Variants in CR2 observed in about 807,000 individuals in gnomAD.
CR2 encodes complement receptor type 2.
In CR2, 96 loss-of-function variants were observed where a neutral mutation model predicts 123.0. The ratio of observed to expected loss-of-function variants is 0.78; its 90% CI spans 0.66 to 0.93. CR2 has a LOEUF of 0.93. CR2 is among the 40% of genes least tolerant of loss of function. CR2 has a pLI of 0.00. For synonymous variants in CR2, 484 were observed against 469.5 expected (o/e 1.03, Z -0.40); for missense variants, 1,258 against 1,361.0 (o/e 0.92, Z 1.19).
At chr1:207,467,870 A>G (rs1658148087) in intron 2 of CR2, among the ~76,000 whole-genome samples, 1 of 152,246 alleles carries the variant, frequency 6.6e-6, no homozygotes, top group African/African-American at 2.4e-5. Flanking sequence ...ACACACACAC[A>G]TAATATAGGT....
intron 15 of CR2, among the ~76,000 whole-genome samples, chr1:207,477,309 T>TCATAAAC (rs1353475497): frequency 6.6e-6 from 1 of 152,130 alleles, no homozygotes; most frequent in South Asian, 2.1e-4. Flanking sequence ...CCATCAGATC[T>TCATAAAC]CATGAGACTT....
chr1:207,462,802 A>G (rs1657999007), intron 1 of CR2, among the ~76,000 whole-genome samples: 1 of 152,158 alleles, frequency 6.6e-6, no homozygotes, highest in South Asian at 2.1e-4. Context: ...TCACTGTGAG[A>G]TTTTTAAGGC....
In CR2 at chr1:207,475,014, C is replaced by T. The variant is rs760774981; in HGVS notation, c.2514C>T (p.Cys838=). ...CTTGGAGCGGGCCTTCCCCACAGTG[C>T]TTACGATCTCCTCCTGTGACTCGCT... ...HGSWSGPSPQ[C]LRSPPVTRCP... is the part of the protein sequence containing the mutation. The change falls in exon 14 of 20, where the codon TGC becomes TGT. Residue 838 remains cysteine, a synonymous_variant. Coordinates refer to ENST00000367057, the MANE Select transcript of CR2 (RefSeq NM_001006658.3). 1.9e-6 allele frequency: 3 copies of T among 1,614,126 alleles called. No homozygotes were observed. The highest frequency in any genetic ancestry group is 2.5e-6 in the Non-Finnish European group (3 of 1,179,994).
intron 1 of CR2, among the ~76,000 whole-genome samples, chr1:207,465,570 G>A (rs767880423): frequency 3.3e-5 from 5 of 152,212 alleles, no homozygotes; most frequent in African/African-American, 1.2e-4. Flanking sequence ...AACAGTTCTC[G>A]AAAGTTACCC....
At chr1:207,478,181 C>A in intron 16 of CR2, 111 bp downstream of exon 16, 1 of 1,168,410 alleles carries the variant, frequency 8.6e-7, no homozygotes, top group Non-Finnish European at 1.2e-6. Context: ...AGGTTTGTGA[C>A]CAGTTGTATA....
In CR2 at chr1:207,454,745, G is replaced by A. The variant is rs902335762; in HGVS notation, c.58+269G>A. On this transcript the variant is annotated intron_variant, in intron 1 of 19. Transcript: ENST00000367057. The surrounding 1 kb of genome is among the most constrained non-coding windows in gnomAD (Gnocchi z 4.3). ...CGGCCCGGTGTGGCTGGCGGCGTGC[G>A]GGTGCTCGCGGTCTCCTGCCGGGCT... 4 of 397,842 alleles carry A rather than the reference G, an allele frequency of 1.0e-5. No homozygotes were observed. Among genetic ancestry groups the A allele is most frequent in the Non-Finnish European group, 1.8e-5 (4 of 222,604 alleles). The allele number at this position is 397,842 out of a possible 1,614,324, so 24.6% of individuals were successfully genotyped here. A position where few individuals can be genotyped will look rare whatever the true frequency, so the allele number is the denominator to read the frequency against.
intron 15 of CR2, 132 bp from the exon 16 acceptor site, chr1:207,477,753 A>C: frequency 1.3e-6 from 1 of 743,788 alleles, no homozygotes; most frequent in Middle Eastern, 3.2e-4. Flanking sequence ...GTCTTATCCT[A>C]TTTCAGTGCA....
chr1:207,472,740 C>T (rs1472308844), intron 9 of CR2, 32 bp from the exon 10 acceptor site: 4 of 1,608,294 alleles, frequency 2.5e-6, no homozygotes, highest in Non-Finnish European at 3.4e-6. Flanking sequence ...AATACAGGAA[C>T]TCAATTCTAC....
chr1:207,472,616 T>TAC (rs1226814627), intron 9 of CR2, among the ~76,000 whole-genome samples, 156 bp from the exon 10 acceptor site: 3 of 152,216 alleles, frequency 2.0e-5, no homozygotes, highest in African/African-American at 2.4e-5. Context: ...AATTGCATTT[T>TAC]ACATACTTAA....
At chr1:207,472,354 T>C (rs941267330) in intron 9 of CR2, among the ~76,000 whole-genome samples, 1 of 152,222 alleles carries the variant, frequency 6.6e-6, no homozygotes, top group Admixed American at 6.5e-5. Flanking sequence ...GGAAACTGCC[T>C]ATCACAAAGT....
At chr1:207,460,477 G>C (rs564645588) in intron 1 of CR2, among the ~76,000 whole-genome samples, 10 of 152,034 alleles carry the variant, frequency 6.6e-5, no homozygotes, top group Non-Finnish European at 8.8e-5. Flanking sequence ...ACTTTCACCC[G>C]TACCTGTCTC....
intron 1 of CR2, among the ~76,000 whole-genome samples, chr1:207,460,499 A>G (rs1336964035): frequency 6.6e-6 from 1 of 152,118 alleles, no homozygotes; most frequent in Non-Finnish European, 1.5e-5. Context: ...GACCTGTTTG[A>G]AAAAGGAGAT....
chr1:207,468,170 G>A, intron 2 of CR2: 1 of 310,772 alleles, frequency 3.2e-6, no homozygotes, highest in Non-Finnish European at 6.1e-6. Flanking sequence ...TAGGTTGAAA[G>A]TTAATACCAA....
chr1:207,473,279 C>T, intron 10 of CR2, 100 bp downstream of exon 10: 1 of 1,390,232 alleles, frequency 7.2e-7, no homozygotes, highest in Non-Finnish European at 1.0e-6. Flanking sequence ...GCAAGAGGGG[C>T]ACAGATTACT....
chr1:207,459,508 A>G (rs978668115), intron 1 of CR2, among the ~76,000 whole-genome samples: 5 of 152,028 alleles, frequency 3.3e-5, no homozygotes, highest in Non-Finnish European at 5.9e-5. Flanking sequence ...TATTTTTATT[A>G]TCCTATATGT....
At chr1:207,469,271 C>G in intron 5 of CR2, 39 bp downstream of exon 5, 1 of 1,494,664 alleles carries the variant, frequency 6.7e-7, no homozygotes, top group Non-Finnish European at 9.3e-7. Context: ...ACTGCATTCT[C>G]AGCTTAACTA....
At chr1:207,467,520 T>G (rs1473048726) in intron 2 of CR2, among the ~76,000 whole-genome samples, 1 of 152,234 alleles carries the variant, frequency 6.6e-6, no homozygotes, top group Non-Finnish European at 1.5e-5. Flanking sequence ...TAAATCTGAA[T>G]TTGAATTCCA....
At chr1:207,488,272 CA>C (rs1320587109) in intron 19 of CR2, among the ~76,000 whole-genome samples, 2 of 152,174 alleles carry the variant, frequency 1.3e-5, no homozygotes, top group Non-Finnish European at 2.9e-5. Flanking sequence ...CAATCATTGG[CA>C]AAGGTGGAAT....
intron 14 of CR2, among the ~76,000 whole-genome samples, chr1:207,475,495 A>G (rs185156767): frequency 4.6e-5 from 7 of 152,330 alleles, no homozygotes; most frequent in African/African-American, 1.7e-4. Flanking sequence ...ACTTTAGTGT[A>G]AGAAAAATGC....
Sources: allele counts gnomAD v4.1 joint callset (sites outside exome capture counted in the v4.1 genomes callset), GRCh38; gene constraint gnomAD v4.1.1; non-coding constraint Gnocchi (gnomAD v3.1); transcripts MANE v1.5; gene names NCBI Gene and HGNC (gene_info 2026-07-23, HGNC 2026-07-21).